GNA12: variants seen among roughly 807,000 people sequenced by gnomAD.
The protein encoded by GNA12 is guanine nucleotide-binding protein subunit alpha-12.
In GNA12, 9 loss-of-function variants were observed where a neutral mutation model predicts 26.0. The ratio of observed to expected loss-of-function variants is 0.35; its 90% CI spans 0.21 to 0.60. GNA12 has a LOEUF of 0.60. Ranked by LOEUF, GNA12 falls within the 20% of genes least tolerant of loss-of-function variation. The probability of loss-of-function intolerance (pLI) is 0.78; values close to 1 mark genes in which losing one functional copy is unlikely to be tolerated. For missense variants in GNA12, 405 were observed against 525.8 expected, an observed-to-expected ratio of 0.77 and a Z score of 2.25; for synonymous variants, 264 against 219.6, an observed-to-expected ratio of 1.20 and a Z score of -1.79.
intron 2 of GNA12, among the ~76,000 whole-genome samples, chr7:2,736,645 A>C (rs1292808230): frequency 6.6e-6 from 1 of 152,168 alleles, no homozygotes; most frequent in Non-Finnish European, 1.5e-5. Flanking sequence ...AGGCCGACAC[A>C]CGCCCATGAG....
At chr7:2,814,382 C>T (rs779463102) in intron 1 of GNA12, 2 of 1,572,154 alleles carry the variant, frequency 1.3e-6, no homozygotes, top group Admixed American at 3.3e-5. Context: ...TGGTGTGCTT[C>T]CCGAACCCTG....
At chr7:2,760,835 T>C (rs897652935) in intron 2 of GNA12, among the ~76,000 whole-genome samples, 3 of 152,230 alleles carry the variant, frequency 2.0e-5, no homozygotes, top group East Asian at 1.9e-4. Context: ...GGTTAGCTTG[T>C]CTGCAAGAGG....
At chr7:2,757,079 CG>C (rs956089808) in intron 2 of GNA12, among the ~76,000 whole-genome samples, 8 of 127,428 alleles carry the variant, frequency 6.3e-5, no homozygotes, top group Non-Finnish European at 5.0e-5. Flanking sequence ...TGTCCCAAGG[CG>C]GGGGAAAAAA....
In GNA12 at chr7:2,757,598, G is replaced by A. The variant is rs575643510; in HGVS notation, c.526-24097C>T. On this transcript the variant is annotated intron_variant, in intron 2 of 3. Coordinates refer to ENST00000275364, the MANE Select transcript of GNA12 (RefSeq NM_007353.3). Reference sequence around the variant, plus strand: ...CGAGGTTCCGAGCAGAGCACGTGGCGAACTCTGGATGCCCAGGCTGCTGAC... The same window carrying A: ...CGAGGTTCCGAGCAGAGCACGTGGCAAACTCTGGATGCCCAGGCTGCTGAC... Among the ~76,000 whole-genome samples, 47 of 152,312 alleles carry A rather than the reference G, an allele frequency of 3.1e-4. No homozygotes were observed. The Middle Eastern group carries it at 0.01, about 33-fold the overall frequency.
intron 1 of GNA12, among the ~76,000 whole-genome samples, chr7:2,796,193 A>G (rs1308013378): frequency 6.6e-6 from 1 of 152,192 alleles, no homozygotes; most frequent in Non-Finnish European, 1.5e-5. Context: ...CATAAGTTCC[A>G]AGACCCTCAG....
At chr7:2,800,483 C>G (rs1583292574) in intron 1 of GNA12, among the ~76,000 whole-genome samples, 1 of 152,230 alleles carries the variant, frequency 6.6e-6, no homozygotes, top group East Asian at 1.9e-4. Context: ...CAACAGCATA[C>G]TGAAATTATG....
At chr7:2,762,326 G>A (rs531349259) in intron 2 of GNA12, 25 of 326,178 alleles carry the variant, frequency 7.7e-5, no homozygotes, top group African/African-American at 4.5e-4. Flanking sequence ...CAGGCGCTGC[G>A]CGACTGCTGC....
Position 2,762,951 on chromosome 7 carries a change from G to C in GNA12, c.526-29450C>G, listed in dbSNP as rs182995810. 166 of 1,368,720 alleles carry C rather than the reference G, an allele frequency of 1.2e-4. No individual in the cohort carries two copies. In the Middle Eastern group the frequency reaches 2.7e-3, roughly 22 times the overall value. The allele number at this position is 1,368,720 out of a possible 1,614,324, so 84.8% of individuals were successfully genotyped here. ...CGCCCCAGACACTCCCGTGGGGCCC[G>C]TGCCAGGGTCTCCTGCTCCTCAGAA... is the stretch of plus-strand genomic sequence containing the variant. On this transcript the variant is annotated intron_variant, in intron 2 of 3. Transcript: ENST00000275364.
intron 1 of GNA12, among the ~76,000 whole-genome samples, chr7:2,838,762 T>C (rs6944195): frequency 0.011 from 1,674 of 152,282 alleles, 35 homozygotes; most frequent in African/African-American, 0.038. Flanking sequence ...TTAAAATATC[T>C]GATAATGGAG....
chr7:2,800,169 C>T (rs1025624912), intron 1 of GNA12, among the ~76,000 whole-genome samples: 9 of 152,172 alleles, frequency 5.9e-5, no homozygotes, highest in Admixed American at 5.2e-4. Context: ...GAGTTCACTA[C>T]GGAAATGCAA....
At chr7:2,764,363 G>A (rs151086028) in intron 2 of GNA12, among the ~76,000 whole-genome samples, 53 of 151,992 alleles carry the variant, frequency 3.5e-4, no homozygotes, top group African/African-American at 1.2e-3. Flanking sequence ...GATTCCAGGC[G>A]TGTGCTCCCG....
chr7:2,769,795 G>A (rs1014490216), intron 2 of GNA12, among the ~76,000 whole-genome samples: 1 of 152,002 alleles, frequency 6.6e-6, no homozygotes, highest in Non-Finnish European at 1.5e-5. Context: ...TCCCAAAAAG[G>A]TTGTACCAAT....
intron 1 of GNA12, among the ~76,000 whole-genome samples, chr7:2,824,294 TCA>T (rs1267852125): frequency 6.6e-6 from 1 of 152,016 alleles, no homozygotes; most frequent in Non-Finnish European, 1.5e-5. Flanking sequence ...AAAGAGCCCC[TCA>T]CACACAGAGT....
At chr7:2,814,650 T>C (rs1378015512) in intron 1 of GNA12, among the ~76,000 whole-genome samples, 1 of 150,790 alleles carries the variant, frequency 6.6e-6, no homozygotes. Flanking sequence ...TTTTTTTTTT[T>C]TCGTGGCATA....
rs1790126477 is a variant in GNA12, at chr7:2,735,551, G to A, written c.526-2050C>T. Among the ~76,000 whole-genome samples, 3 of 152,180 alleles carry A rather than the reference G, an allele frequency of 2.0e-5. No individual in the cohort carries two copies. In the South Asian group the frequency reaches 6.2e-4, roughly 32 times the overall value. ...TCGATGGGAAGCAGAAAACAGGAGGGACGTTTCCCTCGGTGTGAGTCTAAA... is the reference window on the plus strand; with the variant it reads ...TCGATGGGAAGCAGAAAACAGGAGGAACGTTTCCCTCGGTGTGAGTCTAAA... On this transcript the variant is annotated intron_variant, in intron 2 of 3. Transcript: ENST00000275364.
chr7:2,769,755 C>CA (rs1255927884), intron 2 of GNA12, among the ~76,000 whole-genome samples: 12 of 150,878 alleles, frequency 8.0e-5, no homozygotes, highest in South Asian at 2.1e-4. Context: ...AACAAACAAA[C>CA]AAAAAAAACA....
rs558099167 is a variant in GNA12 at position 2,734,817 on chromosome 7, G to C, written c.526-1316C>G. Among the ~76,000 whole-genome samples, 3 of 152,266 alleles carry C rather than the reference G, an allele frequency of 2.0e-5. No individual in the cohort carries two copies. In the East Asian group the frequency reaches 5.8e-4, roughly 29 times the overall value. On this transcript the variant is annotated intron_variant, in intron 2 of 3. Coordinates refer to ENST00000275364, the MANE Select transcript of GNA12 (RefSeq NM_007353.3). ...CTCCTCCTCTGTGGCAGGACGGGGC[G>C]AGCACGTGCACCTCGTGACCACCGG...
intron 1 of GNA12, among the ~76,000 whole-genome samples, chr7:2,816,534 C>A (rs530057498): frequency 1.0e-3 from 152 of 152,308 alleles, no homozygotes; most frequent in African/African-American, 3.6e-3. Flanking sequence ...CCCAGCCTAG[C>A]AAATCCATTT....
chr7:2,807,377 G>A (rs905118796), intron 1 of GNA12, among the ~76,000 whole-genome samples: 1 of 152,062 alleles, frequency 6.6e-6, no homozygotes, highest in African/African-American at 2.4e-5. Context: ...CTAGTCTCTT[G>A]TTTCCAGTAA....
Sources: gnomAD v4.1 joint callset for allele counts (sites outside exome capture counted in the v4.1 genomes callset) on GRCh38, gnomAD v4.1.1 for gene constraint, MANE v1.5 for transcripts, NCBI Gene and HGNC (gene_info 2026-07-23, HGNC 2026-07-21) for gene names.